The following FAT3 variants were observed in gnomAD, a reference collection of about 807,000 sequenced individuals.
The protein encoded by FAT3 is FAT atypical cadherin 3.
A neutral mutation model predicts 310.2 loss-of-function variants in FAT3; 95 were observed. That is an observed-to-expected ratio of 0.31 (90% confidence interval 0.26 to 0.36). FAT3 has a LOEUF of 0.36. Ranked by LOEUF, FAT3 falls within the 10% of genes least tolerant of loss-of-function variation. The pLI, the probability that FAT3 is intolerant of heterozygous loss-of-function variation, is 1.00. For missense variants in FAT3, 5,408 were observed against 5,715.6 expected, an observed-to-expected ratio of 0.95 and a Z score of 1.74; for synonymous variants, 2,314 against 2,192.9, an observed-to-expected ratio of 1.06 and a Z score of -1.54.
chr11:92,866,705 T>C (rs765372782), intron 21 of FAT3, 36 bp from the exon 22 acceptor site: 3 of 1,569,026 alleles, frequency 1.9e-6, no homozygotes, highest in Non-Finnish European at 8.7e-7. Context: ...CCCAGTTGCA[T>C]GTTGAAAAGT....
chr11:92,298,501 A>G, intron 1 of FAT3, among the ~76,000 whole-genome samples: 1 of 152,154 alleles, frequency 6.6e-6, no homozygotes, highest in East Asian at 1.9e-4. Flanking sequence ...ATTTAAAAAA[A>G]GAAGTGTTAT....
intron 3 of FAT3, among the ~76,000 whole-genome samples, chr11:92,602,647 T>C (rs993521268): frequency 6.6e-6 from 1 of 152,154 alleles, no homozygotes; most frequent in African/African-American, 2.4e-5. Flanking sequence ...ATGCAGCAGG[T>C]CACAGAGGCA....
chr11:92,766,559 A>T (rs1348789531), intron 6 of FAT3: 1 of 152,276 alleles, frequency 6.6e-6, no homozygotes, highest in African/African-American at 2.4e-5. Context: ...CCAAAAAAGC[A>T]AAGAGCTGTT....
Position 92,797,938 on chromosome 11 carries a change from A to G in FAT3, c.4925A>G (p.Lys1642Arg). The change falls in exon 10 of 28, where the codon AAA becomes AGA. Residue 1642 changes from lysine (K) to arginine (R), a missense_variant. Physicochemically the swap from Lys to Arg is conservative, Grantham distance 26 (BLOSUM62 2). Around this residue, in one of 5 missense-constraint regions of FAT3, gnomAD observed 4,588 missense variants for 4,809.8 expected, o/e 0.95. Transcript: ENST00000525166. Reference protein sequence around the residue: ...TTMGQFVLSIKVTDQGSPPMS... With the variant: ...TTMGQFVLSIRVTDQGSPPMS... ...ATGGGTCAGTTTGTCCTATCCATCA[A>G]AGTCACAGATCAGGGATCCCCGCCA... 1 of 1,613,924 alleles carries G rather than the reference A, an allele frequency of 6.2e-7. No individual in the cohort carries two copies. Among genetic ancestry groups the G allele is most frequent in the Non-Finnish European group, 8.5e-7 (1 of 1,179,846 alleles).
intron 3 of FAT3, among the ~76,000 whole-genome samples, chr11:92,624,173 G>T (rs918131442): frequency 2.6e-5 from 4 of 152,110 alleles, no homozygotes; most frequent in African/African-American, 9.7e-5. Context: ...AGCCCTACTG[G>T]AGTCAGGGAA....
chr11:92,601,075 T>G (rs1939994999), intron 3 of FAT3, among the ~76,000 whole-genome samples: 1 of 151,058 alleles, frequency 6.6e-6, no homozygotes, highest in Non-Finnish European at 1.5e-5. Flanking sequence ...CATATGGGAG[T>G]TTAGATTTTA....
At chr11:92,235,113 T>C (rs1331178326) in intron 1 of FAT3, among the ~76,000 whole-genome samples, 1 of 151,876 alleles carries the variant, frequency 6.6e-6, no homozygotes, top group Non-Finnish European at 1.5e-5. Context: ...GCCAGGCCAG[T>C]CCAACCCAGA....
intron 22 of FAT3, among the ~76,000 whole-genome samples, chr11:92,872,731 T>A (rs1394335353): frequency 6.6e-6 from 1 of 152,202 alleles, no homozygotes; most frequent in Non-Finnish European, 1.5e-5. Context: ...ATATACAATA[T>A]ATAAAATGTG....
chr11:92,445,831 G>C (rs74889987), intron 2 of FAT3, among the ~76,000 whole-genome samples: 1,756 of 152,110 alleles, frequency 0.012, 25 homozygotes, highest in Middle Eastern at 0.017. Context: ...AGAGTGTTCA[G>C]GACACTGGGA....
At chr11:92,522,030 C>T (rs1341524986) in intron 2 of FAT3, among the ~76,000 whole-genome samples, 3 of 152,094 alleles carry the variant, frequency 2.0e-5, no homozygotes. Flanking sequence ...TCTGTTCCTC[C>T]AATGGCAGCA....
intron 9 of FAT3, among the ~76,000 whole-genome samples, chr11:92,794,360 C>T (rs573104377): frequency 2.0e-5 from 3 of 152,054 alleles, no homozygotes; most frequent in Admixed American, 6.5e-5. Context: ...TTCTTTTCCC[C>T]GTATTCATTC....
At chr11:92,731,754 C>T (rs949363) in intron 4 of FAT3, among the ~76,000 whole-genome samples, 87,549 of 151,702 alleles carry the variant, frequency 0.58, 26,840 homozygotes, top group African/African-American at 0.8. Flanking sequence ...GCACAGTTAG[C>T]TATGCCTTCG....
intron 1 of FAT3, among the ~76,000 whole-genome samples, chr11:92,297,767 G>C (rs1946888634): frequency 6.6e-6 from 1 of 152,146 alleles, no homozygotes; most frequent in African/African-American, 2.4e-5. Flanking sequence ...GTGGGGGATT[G>C]CTCCTGAGAG....
At chr11:92,395,520 CT>C (rs1949848897) in intron 2 of FAT3, among the ~76,000 whole-genome samples, 1 of 152,044 alleles carries the variant, frequency 6.6e-6, no homozygotes, top group East Asian at 1.9e-4. Flanking sequence ...CAAGGATGCC[CT>C]TTTTTGCATG....
At chr11:92,422,341 G>A (rs567749202) in intron 2 of FAT3, among the ~76,000 whole-genome samples, 3 of 152,236 alleles carry the variant, frequency 2.0e-5, no homozygotes, top group South Asian at 2.1e-4. Flanking sequence ...TTCTGCCCCT[G>A]TTTCTTGCTC....
intron 2 of FAT3, among the ~76,000 whole-genome samples, chr11:92,472,060 A>G (rs1303167936): frequency 5.9e-5 from 9 of 151,628 alleles, no homozygotes; most frequent in South Asian, 2.1e-4. Flanking sequence ...GGGAGTTCAC[A>G]TGGAATAAAC....
At chr11:92,833,156 A>G (rs1055331401) in intron 14 of FAT3, among the ~76,000 whole-genome samples, 4 of 152,180 alleles carry the variant, frequency 2.6e-5, no homozygotes, top group Admixed American at 2.6e-4. Flanking sequence ...AAACATACTC[A>G]TCCTTGTATT....
At chr11:92,815,857 A>G (rs143882092) in intron 13 of FAT3, among the ~76,000 whole-genome samples, 1 of 152,342 alleles carries the variant, frequency 6.6e-6, no homozygotes, top group Non-Finnish European at 1.5e-5. Flanking sequence ...ATGTTTGCTC[A>G]TCGTGACAGT....
At chr11:92,677,787 AAC>A (rs1943336826) in intron 3 of FAT3, among the ~76,000 whole-genome samples, 1 of 152,212 alleles carries the variant, frequency 6.6e-6, no homozygotes, top group African/African-American at 2.4e-5. Context: ...AATTGGACAA[AAC>A]ACACAAACGA....
Sources: allele counts gnomAD v4.1 joint callset (sites outside exome capture counted in the v4.1 genomes callset), GRCh38; gene constraint gnomAD v4.1.1; regional missense constraint gnomAD v4.1.1; transcripts MANE v1.5; gene names NCBI Gene and HGNC (gene_info 2026-07-23, HGNC 2026-07-21).